ZNF561: variants seen among roughly 807,000 people sequenced by gnomAD.
The protein encoded by ZNF561 is zinc finger protein 561.
A neutral mutation model predicts 16.7 loss-of-function variants in ZNF561; 16 were observed. The observed-to-expected ratio is 0.96, with a 90% CI of 0.65 to 1.45. The LOEUF (loss-of-function observed/expected upper bound fraction) is 1.45. Among genes scored for constraint, ZNF561 ranks in the 40% most tolerant of loss-of-function variants. The probability of loss-of-function intolerance (pLI) is 0.00; values close to 1 mark genes in which losing one functional copy is unlikely to be tolerated. For missense variants in ZNF561, 580 were observed against 578.0 expected, an observed-to-expected ratio of 1.00 and a Z score of -0.04; for synonymous variants, 190 against 192.1, an observed-to-expected ratio of 0.99 and a Z score of 0.09.
chr19:9,613,821 T>C (rs2074504893), intron 5 of ZNF561, among the ~76,000 whole-genome samples, 200 bp downstream of exon 5: 1 of 152,144 alleles, frequency 6.6e-6, no homozygotes, highest in South Asian at 2.1e-4. Context: ...TCACCTTCTT[T>C]TTAAAATCAG....
rs374295903 is a variant in ZNF561 at position 9,607,350 on chromosome 19, A to G, written c.*2850T>C. The G allele has an allele frequency of 2.9e-4, 44 of 152,368 alleles. No homozygotes were observed. The highest frequency in any genetic ancestry group is 1.0e-3 in the African/African-American group (42 of 41,586). The allele number at this position is 152,368 out of a possible 1,614,324, so 9.4% of individuals were successfully genotyped here. On this transcript the variant is annotated 3_prime_UTR_variant, in exon 6 of 6. Transcript: ENST00000302851. ...ATCATTTCATTGAAGTATTTATTAC[A>G]TACCATCATTGGCCAGGAACAGTTC...
intron 2 of ZNF561, 32 bp downstream of exon 2, chr19:9,619,400 A>T: frequency 2.5e-6 from 4 of 1,611,082 alleles, no homozygotes; most frequent in Non-Finnish European, 3.4e-6. Flanking sequence ...CTAAAGCAGA[A>T]TCTCTGAAAA....
At chr19:9,619,670 G>A (rs763755300) in intron 1 of ZNF561, 88 bp from the exon 2 acceptor site, 4 of 417,704 alleles carry the variant, frequency 9.6e-6, no homozygotes, top group Non-Finnish European at 1.7e-5. Flanking sequence ...TGACAGATGT[G>A]AAGGCCACCA....
chr19:9,614,725 G>A (rs969476087), intron 4 of ZNF561, among the ~76,000 whole-genome samples: 1 of 152,012 alleles, frequency 6.6e-6, no homozygotes, highest in Non-Finnish European at 1.5e-5. Flanking sequence ...AACAGAACAG[G>A]TAGTTTTATT....
intron 4 of ZNF561, among the ~76,000 whole-genome samples, chr19:9,615,570 C>T (rs1003604158): frequency 1.3e-5 from 2 of 151,670 alleles, no homozygotes; most frequent in African/African-American, 4.8e-5. Context: ...CGCACTCCAG[C>T]CTGGGCGACA....
At position 9,611,121 on chromosome 19, in the gene ZNF561, T is replaced by C; in HGVS notation, c.540A>G (p.Leu180=). 1 of 1,614,042 alleles carries C rather than the reference T, an allele frequency of 6.2e-7. No homozygotes were observed. The highest frequency in any genetic ancestry group is 1.1e-5 in the South Asian group (1 of 91,074). ...KFNPCGKVFT[L]TPGLAVHLEV... The stretch of plus-strand genomic sequence containing the variant: ...CAAGATGTACAGCAAGACCTGGAGT[T>C]AGAGTAAAGACTTTTCCACATGGAT... The change falls in exon 6 of 6, where the codon CTA becomes CTG. Residue 180 remains leucine, a synonymous_variant. Transcript: ENST00000302851.
chr19:9,617,998 G>C, intron 3 of ZNF561, 93 bp downstream of exon 3: 1 of 1,245,220 alleles, frequency 8.0e-7, no homozygotes, highest in East Asian at 2.6e-5. Context: ...TTTGCTCTAA[G>C]AAAACTCTGA....
At chr19:9,612,773 AAG>A in intron 5 of ZNF561, among the ~76,000 whole-genome samples, 2 of 152,354 alleles carry the variant, frequency 1.3e-5, no homozygotes, top group South Asian at 4.1e-4. Context: ...TGTTCAAAAA[AAG>A]AAAACTGTAG....
In ZNF561 at chr19:9,610,153, A is replaced by G. The variant is rs2074418387; in HGVS notation, c.*47T>C. On this transcript the variant is annotated 3_prime_UTR_variant, in exon 6 of 6. Coordinates refer to ENST00000302851, the MANE Select transcript of ZNF561 (RefSeq NM_152289.3). Reference sequence around the variant, plus strand: ...CCAAAAGGCATTTAGGACAAATCTGATAATCTTTGGTGTCATTGCCAATAA... The same window carrying G: ...CCAAAAGGCATTTAGGACAAATCTGGTAATCTTTGGTGTCATTGCCAATAA... 2 of 1,493,766 alleles carry G rather than the reference A, an allele frequency of 1.3e-6. No individual in the cohort carries two copies. Among genetic ancestry groups the G allele is most frequent in the South Asian group, 1.3e-5 (1 of 76,692 alleles). The allele number at this position is 1,493,766 out of a possible 1,614,324, so 92.5% of individuals were successfully genotyped here.
chr19:9,611,242 T>C lies in ZNF561; in HGVS notation c.419A>G (p.Gln140Arg). The change falls in exon 6 of 6, where the codon CAG (glutamine) becomes CGG (arginine). Residue 140 changes from glutamine to arginine, a missense_variant. Physicochemically the swap from Gln to Arg is conservative, Grantham distance 43. Coordinates refer to ENST00000302851, the MANE Select transcript of ZNF561 (RefSeq NM_152289.3). ...ACCCTCAGAAGTATTCCCTCCATTC[T>C]GAACTCTCATGTGTGTCTTAAGGCA... is the stretch of plus-strand genomic sequence containing the variant. ...QFCLKTHMRV[Q>R]NGGNTSEGNC... 6.2e-7 allele frequency: 1 copy of C among 1,614,024 alleles called. No homozygotes were observed. The highest frequency in any genetic ancestry group is 8.5e-7 in the Non-Finnish European group (1 of 1,179,916).
chr19:9,609,274 G>A lies in ZNF561; in HGVS notation c.*926C>T, dbSNP rs973374172. Reference sequence around the variant, plus strand: ...CTGTTCAAGGCTCTCAGCTCTGAAGGCTGTGAGCCCCGATTCCCACTCTGC... The same window carrying A: ...CTGTTCAAGGCTCTCAGCTCTGAAGACTGTGAGCCCCGATTCCCACTCTGC... On this transcript the variant is annotated 3_prime_UTR_variant, in exon 6 of 6. Transcript: ENST00000302851. 6.6e-6 allele frequency: 1 copy of A among 152,170 alleles called. No homozygotes were observed. The highest frequency in any genetic ancestry group is 2.1e-4 in the South Asian group (1 of 4,832). The allele number at this position is 152,170 out of a possible 1,614,324, so 9.4% of individuals were successfully genotyped here. A position where few individuals can be genotyped will look rare whatever the true frequency, so the allele number is the denominator to read the frequency against.
intron 3 of ZNF561, chr19:9,617,729 GCAGCACACTCCT>G (rs2074583147): frequency 4.4e-6 from 2 of 458,012 alleles, no homozygotes; most frequent in Admixed American, 4.7e-5. Flanking sequence ...TGGTGTCTAT[GCAGCACACTCCT>G]CAGCACACTG....
rs193197862 is a variant in ZNF561 at position 9,619,550 on chromosome 19, T to G, written c.-94A>C. 1 of 1,314,814 alleles carries G rather than the reference T, an allele frequency of 7.6e-7. No homozygotes were observed. Among genetic ancestry groups the G allele is most frequent in the East Asian group, 2.4e-5 (1 of 41,856 alleles). The allele number at this position is 1,314,814 out of a possible 1,614,324, so 81.4% of individuals were successfully genotyped here. A position where few individuals can be genotyped will look rare whatever the true frequency, so the allele number is the denominator to read the frequency against. ...TGAATCTAGGTGGATAGAGGCAATC[T>G]CCATTCCTCTTTGTACAGGGTTATT... is the stretch of plus-strand genomic sequence containing the variant. On this transcript the variant is annotated 5_prime_UTR_variant, in exon 2 of 6. Coordinates refer to ENST00000302851, the MANE Select transcript of ZNF561 (RefSeq NM_152289.3).
chr19:9,608,728 G>A lies in ZNF561; in HGVS notation c.*1472C>T, dbSNP rs1369348361. The A allele has an allele frequency of 2.0e-5, 3 of 152,312 alleles. No homozygotes were observed. The highest frequency in any genetic ancestry group is 6.8e-3 in the Middle Eastern group (2 of 294). The allele number at this position is 152,312 out of a possible 1,614,324, so 9.4% of individuals were successfully genotyped here. On this transcript the variant is annotated 3_prime_UTR_variant, in exon 6 of 6. Coordinates refer to ENST00000302851, the MANE Select transcript of ZNF561 (RefSeq NM_152289.3). The stretch of plus-strand genomic sequence containing the variant: ...ATAAAGAAAATACAACCCTTGATAC[G>A]AAGTAGTGAAGAACTTGGCAGAACT...
chr19:9,616,220 G>C (rs1043964476), intron 4 of ZNF561, among the ~76,000 whole-genome samples: 2 of 152,162 alleles, frequency 1.3e-5, no homozygotes, highest in Non-Finnish European at 2.9e-5. Context: ...TGACAAGCAA[G>C]CATGTAACAT....
At chr19:9,618,822 A>G (rs2074606500) in intron 2 of ZNF561, among the ~76,000 whole-genome samples, 1 of 151,942 alleles carries the variant, frequency 6.6e-6, no homozygotes, top group African/African-American at 2.4e-5. Flanking sequence ...GCTGAATTCT[A>G]AAACAGCATT....
intron 1 of ZNF561, chr19:9,620,912 T>A (rs2074661882): frequency 6.6e-6 from 1 of 152,286 alleles, no homozygotes; most frequent in Non-Finnish European, 1.5e-5. Flanking sequence ...GTGGTGGCAC[T>A]TGCCTGTAAT....
In ZNF561 at chr19:9,614,019, A is replaced by G; in HGVS notation, c.324+2T>C. On this transcript the variant is annotated splice_donor_variant, in intron 5 of 5. Transcript: ENST00000302851. LOFTEE classifies it high-confidence loss of function. Reference sequence around the variant, plus strand: ...TTAAGAAATATCCCTCATGAATCTTACCATTTGTATCCCACTGAATATTTG... The same window carrying G: ...TTAAGAAATATCCCTCATGAATCTTGCCATTTGTATCCCACTGAATATTTG... 1.2e-6 allele frequency: 2 copies of G among 1,613,132 alleles called. No individual in the cohort carries two copies. The highest frequency in any genetic ancestry group is 1.7e-6 in the Non-Finnish European group (2 of 1,179,666).
chr19:9,608,671 T>A lies in ZNF561; in HGVS notation c.*1529A>T, dbSNP rs957818532. The A allele has an allele frequency of 4.6e-5, 7 of 152,126 alleles. No homozygotes were observed. Among genetic ancestry groups the A allele is most frequent in the African/African-American group, 1.7e-4 (7 of 41,424 alleles). The allele number at this position is 152,126 out of a possible 1,614,324, so 9.4% of individuals were successfully genotyped here. ...TGGTAAGGGTGATCCTGGTGAGGTGTCATTGGGGAATGAGGAACATGCTAT... is the reference window on the plus strand; with the variant it reads ...TGGTAAGGGTGATCCTGGTGAGGTGACATTGGGGAATGAGGAACATGCTAT... On this transcript the variant is annotated 3_prime_UTR_variant, in exon 6 of 6. Coordinates refer to ENST00000302851, the MANE Select transcript of ZNF561 (RefSeq NM_152289.3).
Sources: gnomAD v4.1 joint callset for allele counts (sites outside exome capture counted in the v4.1 genomes callset) on GRCh38, gnomAD v4.1.1 for gene constraint, MANE v1.5 for transcripts, NCBI Gene and HGNC (gene_info 2026-07-23, HGNC 2026-07-21) for gene names.